CCDC191: variants seen among roughly 807,000 people sequenced by gnomAD.
CCDC191 encodes coiled-coil domain containing 191, also known as coiled-coil domain-containing protein 191.
Under a neutral mutation model 114.0 loss-of-function variants are expected in CCDC191, and 99 were observed. The ratio of observed to expected loss-of-function variants is 0.87; its 90% CI spans 0.74 to 1.03. CCDC191 has a LOEUF of 1.03. Ranked by LOEUF, CCDC191 falls within the 50% of genes least tolerant of loss-of-function variation. The pLI is 0.00. For synonymous variants in CCDC191, 351 were observed against 376.0 expected (o/e 0.93, Z 0.77); for missense variants, 973 against 1,087.0 (o/e 0.90, Z 1.47).
intron 1 of CCDC191, among the ~76,000 whole-genome samples, chr3:114,054,468 T>TA (rs887462990): frequency 1.0e-3 from 150 of 148,530 alleles, no homozygotes; most frequent in African/African-American, 2.4e-3. Context: ...CCGTCTCTAC[T>TA]AAAAAAAAAA....
chr3:113,966,363 G>T (rs1427489931), intron 16 of CCDC191, among the ~76,000 whole-genome samples: 3 of 152,158 alleles, frequency 2.0e-5, no homozygotes, highest in African/African-American at 7.2e-5. Flanking sequence ...AACACTAGGG[G>T]CATCAAGGTA....
intron 2 of CCDC191, among the ~76,000 whole-genome samples, chr3:114,053,016 A>G (rs1030715087): frequency 5.9e-5 from 9 of 152,210 alleles, no homozygotes; most frequent in Admixed American, 3.3e-4. Flanking sequence ...AAAAATACAT[A>G]TCTCAGGCCT....
chr3:114,046,727 C>A lies in CCDC191; in HGVS notation c.135G>T (p.Val45=), dbSNP rs763298465. Residue 45 remains valine (V), a synonymous_variant, in exon 3 of 17, where the codon GTG becomes GTT. Transcript: ENST00000295878. ...ACACTGCAAACTCTGAGGCTTTCTC[C>A]ACTCTCTTCAATATAACAGAAAAAA... ...PDSVEHWIKR[V]EKASEFAVSN... The A allele has an allele frequency of 6.2e-7, 1 of 1,609,190 alleles. No homozygotes were observed. The highest frequency in any genetic ancestry group is 8.5e-7 in the Non-Finnish European group (1 of 1,177,576).
chr3:114,000,017 TTAAC>T (rs2075823595), intron 13 of CCDC191, among the ~76,000 whole-genome samples: 1 of 152,214 alleles, frequency 6.6e-6, no homozygotes, highest in Non-Finnish European at 1.5e-5. Flanking sequence ...TATTTGCAGA[TTAAC>T]TACGGTTTAA....
At position 114,055,359 on chromosome 3, in the gene CCDC191, C is replaced by A. The variant is rs566126533; in HGVS notation, c.90+1018G>T. ...CCATATCTATATCCTATCTTGGATC[C>A]AATACATTATGCAACTGATGTATTG... On this transcript the variant is annotated intron_variant, in intron 1 of 16. Transcript: ENST00000295878. Among the ~76,000 whole-genome samples the A allele has an allele frequency of 1.1e-4, 17 of 152,270 alleles. No homozygotes were observed. The South Asian group carries it at 3.5e-3, about 32-fold the overall frequency.
At chr3:113,976,094 AC>A (rs67468812) in intron 16 of CCDC191, among the ~76,000 whole-genome samples, 33,214 of 151,812 alleles carry the variant, frequency 0.22, 4,342 homozygotes, top group Middle Eastern at 0.37. Context: ...CGCTGTCTCT[AC>A]TAAAAATACA....
intron 16 of CCDC191, among the ~76,000 whole-genome samples, chr3:113,969,361 C>A (rs1244549911): frequency 6.6e-6 from 1 of 152,112 alleles, no homozygotes; most frequent in Non-Finnish European, 1.5e-5. Flanking sequence ...GATGTAATCC[C>A]AGTTGTCTAT....
rs147311549 is a variant in CCDC191, at chr3:113,966,053, G to C, written c.2607-694C>G. Among the ~76,000 whole-genome samples the C allele has an allele frequency of 3.5e-3, 540 of 152,166 alleles. 13 individuals are homozygous for C. The highest frequency in any genetic ancestry group is 9.1e-4 in the Non-Finnish European group (62 of 67,990). ...ACCCATGCCAGGACCAGTGATGCTG[G>C]CAAGGGATCCAGAAACCACAACCCT... On this transcript the variant is annotated intron_variant, in intron 16 of 16. Transcript: ENST00000295878.
chr3:114,010,304 GA>G (rs775331485), intron 9 of CCDC191, among the ~76,000 whole-genome samples: 33 of 152,078 alleles, frequency 2.2e-4, no homozygotes, highest in Non-Finnish European at 4.1e-4. Context: ...TGTTATTAGT[GA>G]TTATCTATAG....
intron 1 of CCDC191, chr3:114,054,260 T>G (rs1485128092): frequency 1.3e-5 from 2 of 151,990 alleles, no homozygotes; most frequent in Non-Finnish European, 2.9e-5. Context: ...CTTTCTTCAC[T>G]CTCTGTAACT....
intron 14 of CCDC191, among the ~76,000 whole-genome samples, chr3:113,980,242 T>G (rs2075096755): frequency 6.6e-6 from 1 of 152,212 alleles, no homozygotes; most frequent in Non-Finnish European, 1.5e-5. Flanking sequence ...AATCCACAAC[T>G]GGCCCACAGA....
At position 114,035,429 on chromosome 3, in the gene CCDC191, T is replaced by C. The variant is rs112668131; in HGVS notation, c.595-281A>G. On this transcript the variant is annotated intron_variant, in intron 5 of 16. Coordinates refer to ENST00000295878, the MANE Select transcript of CCDC191 (RefSeq NM_020817.2). The stretch of plus-strand genomic sequence containing the variant: ...AATGAGTCAGACCCCAAGTTCTGGA[T>C]TCTCATTTAGGAATGATTTCTCACT... Among the ~76,000 whole-genome samples the C allele has an allele frequency of 5.1e-3, 778 of 152,312 alleles. 8 individuals are homozygous for C. The highest frequency in any genetic ancestry group is 0.017 in the African/African-American group (706 of 41,564).
At position 114,043,329 on chromosome 3, in the gene CCDC191, G is replaced by A. The variant is rs143868419; in HGVS notation, c.272-483C>T. On this transcript the variant is annotated intron_variant, in intron 3 of 16. Transcript: ENST00000295878. ...GGAGACAGCAGGAGATGAGGTTGGA[G>A]GGGTAATGTGCAGATCAGGTTTAGG... Among the ~76,000 whole-genome samples, 583 of 152,232 alleles carry A rather than the reference G, an allele frequency of 3.8e-3. 4 individuals carry two copies. Among genetic ancestry groups the A allele is most frequent in the East Asian group, 0.026 (136 of 5,184 alleles).
intron 13 of CCDC191, among the ~76,000 whole-genome samples, chr3:113,991,633 T>C (rs2075569402): frequency 6.6e-6 from 1 of 152,226 alleles, no homozygotes; most frequent in Admixed American, 6.5e-5. Context: ...TCTCTCATCA[T>C]GCCTATTCCA....
At chr3:114,056,336 T>G in intron 1 of CCDC191, 41 bp downstream of exon 1, 1 of 1,600,398 alleles carries the variant, frequency 6.2e-7, no homozygotes, top group Non-Finnish European at 8.6e-7. Flanking sequence ...CGCCGCGCCT[T>G]GGGAAAGTCC....
intron 4 of CCDC191, among the ~76,000 whole-genome samples, chr3:114,041,694 C>T (rs1050657228): frequency 2.6e-5 from 4 of 152,120 alleles, no homozygotes; most frequent in Non-Finnish European, 5.9e-5. Context: ...GGGGATTTTG[C>T]AGAGTCCTAA....
chr3:113,974,323 TG>T (rs1353331728), intron 16 of CCDC191, among the ~76,000 whole-genome samples: 6 of 145,354 alleles, frequency 4.1e-5, no homozygotes, highest in Non-Finnish European at 8.9e-5. Flanking sequence ...TGCTGTTTTT[TG>T]TTTTTTTTTT....
chr3:113,991,665 T>A (rs1283445716), intron 13 of CCDC191, among the ~76,000 whole-genome samples: 1 of 152,176 alleles, frequency 6.6e-6, no homozygotes, highest in African/African-American at 2.4e-5. Flanking sequence ...AAGTCCTAAC[T>A]AATGTGATAA....
At chr3:114,030,981 C>G (rs1293848994) in intron 7 of CCDC191, among the ~76,000 whole-genome samples, 1 of 152,108 alleles carries the variant, frequency 6.6e-6, no homozygotes, top group Non-Finnish European at 1.5e-5. Flanking sequence ...AGTCCTTTTA[C>G]CTGAAATGTT....
Sources: allele counts gnomAD v4.1 joint callset (sites outside exome capture counted in the v4.1 genomes callset), GRCh38; gene constraint gnomAD v4.1.1; transcripts MANE v1.5; gene names NCBI Gene and HGNC (gene_info 2026-07-23, HGNC 2026-07-21).